Variants in MYO5B observed in about 807,000 individuals in gnomAD.
The protein encoded by MYO5B is myosin VB, also known as unconventional myosin-Vb.
MYO5B carries 143 observed loss-of-function variants against 229.3 expected under a neutral mutation model. The observed-to-expected ratio is 0.62, with a 90% CI of 0.54 to 0.72. The LOEUF (loss-of-function observed/expected upper bound fraction) is 0.72. MYO5B is among the 30% of genes least tolerant of loss of function. The pLI, the probability that MYO5B is intolerant of heterozygous loss-of-function variation, is 0.00. For missense variants in MYO5B, 2,321 were observed against 2,331.0 expected, an observed-to-expected ratio of 1.00 and a Z score of 0.09; for synonymous variants, 918 against 885.2, an observed-to-expected ratio of 1.04 and a Z score of -0.66.
intron 22 of MYO5B, among the ~76,000 whole-genome samples, chr18:49,886,671 C>T (rs913773009): frequency 1.3e-5 from 2 of 151,852 alleles, no homozygotes; most frequent in African/African-American, 4.8e-5. Flanking sequence ...ATATTTATTG[C>T]CTATAATAAT....
At chr18:50,087,377 T>C (rs2031352002) in intron 1 of MYO5B, among the ~76,000 whole-genome samples, 1 of 151,956 alleles carries the variant, frequency 6.6e-6, no homozygotes, top group South Asian at 2.1e-4. Flanking sequence ...GAGACCATCC[T>C]GGCTAACACG....
At chr18:49,962,229 AC>A (rs1417815693) in intron 12 of MYO5B, 36 bp downstream of exon 12, 1 of 1,613,200 alleles carries the variant, frequency 6.2e-7, no homozygotes, top group South Asian at 1.1e-5. Context: ...TCACATCCCT[AC>A]CCTAGAATTG....
chr18:49,967,517 T>A lies in MYO5B; in HGVS notation c.1323-4487A>T, dbSNP rs115368126. Among the ~76,000 whole-genome samples, 921 of 152,316 alleles carry A rather than the reference T, an allele frequency of 6.0e-3. 6 individuals carry two copies. Among genetic ancestry groups the A allele is most frequent in the African/African-American group, 0.019 (788 of 41,568 alleles). Reference sequence around the variant, plus strand: ...TCACTCTCCAGCATTCTGCCTTTGGTAGACTGAAAAGATGGACTACAGATT... The same window carrying A: ...TCACTCTCCAGCATTCTGCCTTTGGAAGACTGAAAAGATGGACTACAGATT... On this transcript the variant is annotated intron_variant, in intron 10 of 39. Transcript: ENST00000285039.
chr18:50,010,559 T>C (rs188056940), intron 4 of MYO5B, among the ~76,000 whole-genome samples: 2 of 152,348 alleles, frequency 1.3e-5, no homozygotes, highest in Admixed American at 1.3e-4. Context: ...ATCCAGGTTA[T>C]ATGGGAGCTG....
chr18:50,062,833 G>A (rs1331003714), intron 1 of MYO5B, among the ~76,000 whole-genome samples: 3 of 152,168 alleles, frequency 2.0e-5, no homozygotes, highest in African/African-American at 7.2e-5. Flanking sequence ...ATGGGAGACA[G>A]AAGAGCAAGG....
rs147336354 is a variant in MYO5B at position 49,947,565 on chromosome 18, G to A, written c.1752+5695C>T. Among the ~76,000 whole-genome samples, 10 of 152,236 alleles carry A rather than the reference G, an allele frequency of 6.6e-5. No individual in the cohort carries two copies. The East Asian group carries it at 1.7e-3, about 26-fold the overall frequency. On this transcript the variant is annotated intron_variant, in intron 14 of 39. Coordinates refer to ENST00000285039, the MANE Select transcript of MYO5B (RefSeq NM_001080467.3). ...TATAGTGTATAGTAATCAGATCAGG[G>A]CAATTGACAAACTCCAATTATGTGT...
intron 1 of MYO5B, among the ~76,000 whole-genome samples, chr18:50,142,477 GA>G (rs2032432759): frequency 6.6e-6 from 1 of 152,172 alleles, no homozygotes; most frequent in African/African-American, 2.4e-5. Context: ...ACCAAAGTAG[GA>G]ATCTCCTCAT....
chr18:50,052,785 A>G (rs17801909), intron 2 of MYO5B, among the ~76,000 whole-genome samples: 26,224 of 152,100 alleles, frequency 0.17, 2,327 homozygotes, highest in East Asian at 0.23. Flanking sequence ...ATGAGTGAAA[A>G]CCAGAGTGAA....
At chr18:49,896,353 A>C (rs180827724) in intron 21 of MYO5B, among the ~76,000 whole-genome samples, 96 of 152,256 alleles carry the variant, frequency 6.3e-4, no homozygotes, top group African/African-American at 2.2e-3. Context: ...TGCAGCCTTG[A>C]TCTAAGGCAT....
intron 23 of MYO5B, among the ~76,000 whole-genome samples, chr18:49,880,031 G>C (rs1175890210): frequency 6.6e-6 from 1 of 152,148 alleles, no homozygotes; most frequent in Non-Finnish European, 1.5e-5. Flanking sequence ...TGAGCCCCCC[G>C]ATGTCTGGAC....
At chr18:50,144,388 GT>G (rs2032466992) in intron 1 of MYO5B, among the ~76,000 whole-genome samples, 1 of 152,162 alleles carries the variant, frequency 6.6e-6, no homozygotes, top group Non-Finnish European at 1.5e-5. Context: ...ACCAGGAGGG[GT>G]TGGTCTGCCT....
At chr18:49,964,580 G>T (rs2025600595) in intron 10 of MYO5B, among the ~76,000 whole-genome samples, 1 of 152,056 alleles carries the variant, frequency 6.6e-6, no homozygotes, top group African/African-American at 2.4e-5. Flanking sequence ...ACAGCTCTTT[G>T]GTCAACTGTG....
chr18:50,188,785 T>TAAATAAA (rs2033185573), intron 1 of MYO5B, among the ~76,000 whole-genome samples: 1 of 105,100 alleles, frequency 9.5e-6, no homozygotes, highest in African/African-American at 3.8e-5. Context: ...GACTCTGTCA[T>TAAATAAA]AAAAAAAAAA....
At chr18:50,177,848 C>T (rs994862803) in intron 1 of MYO5B, among the ~76,000 whole-genome samples, 1 of 152,324 alleles carries the variant, frequency 6.6e-6, no homozygotes, top group East Asian at 1.9e-4. Flanking sequence ...GAGGTGAAGC[C>T]TCCTGGAGCA....
chr18:50,186,858 A>C (rs2033157176), intron 1 of MYO5B, among the ~76,000 whole-genome samples: 1 of 152,096 alleles, frequency 6.6e-6, no homozygotes, highest in Non-Finnish European at 1.5e-5. Context: ...CAGGGTGTCC[A>C]CCTCAAGATC....
intron 14 of MYO5B, among the ~76,000 whole-genome samples, chr18:49,945,053 T>G (rs1475785567): frequency 4.6e-5 from 7 of 152,218 alleles, no homozygotes; most frequent in Non-Finnish European, 7.3e-5. Context: ...TTCCTGACAC[T>G]TAGCAGTTCT....
intron 1 of MYO5B, among the ~76,000 whole-genome samples, chr18:50,173,546 A>G (rs1355514276): frequency 1.3e-5 from 2 of 152,166 alleles, no homozygotes; most frequent in Non-Finnish European, 2.9e-5. Context: ...TCAGTTGGAA[A>G]ACAGTTTCCA....
At chr18:50,167,540 TA>T (rs1175322414) in intron 1 of MYO5B, among the ~76,000 whole-genome samples, 9 of 152,102 alleles carry the variant, frequency 5.9e-5, no homozygotes, top group African/African-American at 2.2e-4. Context: ...AGATGAAAAA[TA>T]AGTTATAAAA....
chr18:49,927,561 A>G (rs563891885), intron 17 of MYO5B, among the ~76,000 whole-genome samples: 1 of 152,360 alleles, frequency 6.6e-6, no homozygotes, highest in South Asian at 2.1e-4. Context: ...GTATAGACCA[A>G]TGGAACAGAA....
Sources: gnomAD v4.1 joint callset for allele counts (sites outside exome capture counted in the v4.1 genomes callset) on GRCh38, gnomAD v4.1.1 for gene constraint, MANE v1.5 for transcripts, NCBI Gene and HGNC (gene_info 2026-07-23, HGNC 2026-07-21) for gene names.